The following MYRIP variants were observed in gnomAD, a reference collection of about 807,000 sequenced individuals.
The protein encoded by MYRIP is myosin VIIA and Rab interacting protein.
A neutral mutation model predicts 98.0 loss-of-function variants in MYRIP; 49 were observed. The ratio of observed to expected loss-of-function variants is 0.50; its 90% confidence interval spans 0.40 to 0.63. The LOEUF (loss-of-function observed/expected upper bound fraction) is 0.63. MYRIP is among the 30% of genes least tolerant of loss of function. MYRIP has a pLI of 0.00. For synonymous variants in MYRIP, 404 were observed against 409.5 expected, an observed-to-expected ratio of 0.99 and a Z score of 0.16; for missense variants, 1,004 against 1,058.2, an observed-to-expected ratio of 0.95 and a Z score of 0.71.
chr3:39,836,194 A>G (rs1941615652), intron 1 of MYRIP, among the ~76,000 whole-genome samples: 1 of 152,052 alleles, frequency 6.6e-6, no homozygotes, highest in Non-Finnish European at 1.5e-5. Context: ...GGTTGGACTA[A>G]TTTACACTCT....
intron 1 of MYRIP, among the ~76,000 whole-genome samples, chr3:39,852,080 G>A (rs1310295478): frequency 1.3e-5 from 2 of 152,080 alleles, no homozygotes; most frequent in Admixed American, 1.3e-4. Context: ...TATGAACCAA[G>A]CATTAGACAA....
chr3:40,096,143 C>T (rs781070838), intron 3 of MYRIP, among the ~76,000 whole-genome samples: 2 of 151,844 alleles, frequency 1.3e-5, no homozygotes, highest in Admixed American at 6.6e-5. Context: ...TTTCTCGGGC[C>T]ATTCTACCTC....
At chr3:40,066,638 T>A (rs2371182) in intron 3 of MYRIP, among the ~76,000 whole-genome samples, 25,133 of 152,172 alleles carry the variant, frequency 0.17, 1,998 homozygotes, top group East Asian at 0.2. Flanking sequence ...AATTTTTTTT[T>A]ATTAATGAAT....
intron 2 of MYRIP, among the ~76,000 whole-genome samples, chr3:40,025,282 A>G (rs943070046): frequency 6.6e-6 from 1 of 152,162 alleles, no homozygotes; most frequent in African/African-American, 2.4e-5. Flanking sequence ...TGTCATTAAC[A>G]TTTGGAGGGA....
chr3:40,155,471 T>C, intron 4 of MYRIP, among the ~76,000 whole-genome samples: 1 of 152,196 alleles, frequency 6.6e-6, no homozygotes. Flanking sequence ...TGTGTCTTTA[T>C]AGCAACATGA....
chr3:40,163,301 T>C (rs961785617), intron 5 of MYRIP, among the ~76,000 whole-genome samples: 5 of 152,226 alleles, frequency 3.3e-5, no homozygotes, highest in African/African-American at 1.2e-4. Context: ...GCCCCCTCAA[T>C]TGCCTTCCTC....
At chr3:40,199,659 C>T (rs577653509) in intron 10 of MYRIP, among the ~76,000 whole-genome samples, 4 of 152,222 alleles carry the variant, frequency 2.6e-5, no homozygotes, top group South Asian at 2.1e-4. Context: ...AATTATTTCC[C>T]GTACACAGAC....
At chr3:40,243,072 CA>C (rs1953076350) in intron 12 of MYRIP, among the ~76,000 whole-genome samples, 1 of 152,124 alleles carries the variant, frequency 6.6e-6, no homozygotes, top group Non-Finnish European at 1.5e-5. Flanking sequence ...ACATATTCAG[CA>C]TATAATAAAG....
intron 1 of MYRIP, among the ~76,000 whole-genome samples, chr3:39,887,213 A>G (rs896686197): frequency 1.2e-4 from 18 of 152,096 alleles, no homozygotes; most frequent in African/African-American, 4.3e-4. Context: ...AATTTGTAGC[A>G]CTAAATGCCC....
chr3:40,114,603 C>T (rs372366441), intron 3 of MYRIP, among the ~76,000 whole-genome samples: 1 of 152,028 alleles, frequency 6.6e-6, no homozygotes, highest in South Asian at 2.1e-4. Flanking sequence ...GGCAACAAGC[C>T]AAGAAAGAAA....
rs143080216 is a variant in MYRIP at position 40,075,573 on chromosome 3, A to G, written c.332+31302A>G. Among the ~76,000 whole-genome samples the G allele has an allele frequency of 6.4e-3, 975 of 152,296 alleles. 5 individuals are homozygous for G. Among genetic ancestry groups the G allele is most frequent in the Middle Eastern group, 0.02 (6 of 294 alleles). ...TCTTGAGTAAAATGTGTGCAGTAGT[A>G]CCCATCTCAGAGGGCTATTGTTAGA... On this transcript the variant is annotated intron_variant, in intron 3 of 16. Coordinates refer to ENST00000302541, the MANE Select transcript of MYRIP (RefSeq NM_015460.4).
At chr3:39,829,112 G>A (rs567223723) in intron 1 of MYRIP, among the ~76,000 whole-genome samples, 1 of 152,256 alleles carries the variant, frequency 6.6e-6, no homozygotes, top group Non-Finnish European at 1.5e-5. Context: ...GAAGTGTTCT[G>A]TGATCGCCAC....
intron 1 of MYRIP, among the ~76,000 whole-genome samples, chr3:39,845,095 G>A (rs1941922187): frequency 6.6e-6 from 1 of 152,170 alleles, no homozygotes. Flanking sequence ...AAGGCTCAAT[G>A]ATGATTATAA....
intron 2 of MYRIP, among the ~76,000 whole-genome samples, chr3:40,003,338 C>T (rs772063394): frequency 1.1e-4 from 16 of 152,096 alleles, no homozygotes; most frequent in Admixed American, 6.5e-4. Flanking sequence ...GAGATTGGAG[C>T]TCTAGAAAGA....
intron 12 of MYRIP, among the ~76,000 whole-genome samples, chr3:40,242,948 A>G (rs1302922551): frequency 6.6e-6 from 1 of 152,166 alleles, no homozygotes; most frequent in African/African-American, 2.4e-5. Context: ...TGAAATACTT[A>G]TCATTTCTTT....
At chr3:40,022,226 C>T (rs554265086) in intron 2 of MYRIP, among the ~76,000 whole-genome samples, 2 of 152,168 alleles carry the variant, frequency 1.3e-5, no homozygotes, top group Admixed American at 6.5e-5. Flanking sequence ...ACGAAGGTGG[C>T]CATTCCTGTC....
At chr3:40,162,265 G>GT (rs1950412037) in intron 4 of MYRIP, among the ~76,000 whole-genome samples, 1 of 152,068 alleles carries the variant, frequency 6.6e-6, no homozygotes, top group Admixed American at 6.6e-5. Context: ...TCAGGGTGGG[G>GT]TGGGGGCAGG....
rs1357464913 is a variant in MYRIP, at chr3:40,077,175, G to A, written c.332+32904G>A. ...GAGTGAAGCTGCAGACCTTCGCGGT[G>A]AGTGTTACAGCTCATAAAACAGCGT... On this transcript the variant is annotated intron_variant, in intron 3 of 16. Coordinates refer to ENST00000302541, the MANE Select transcript of MYRIP (RefSeq NM_015460.4). Among the ~76,000 whole-genome samples, 7 of 152,146 alleles carry A rather than the reference G, an allele frequency of 4.6e-5. No homozygotes were observed. The East Asian group carries it at 1.3e-3, about 29-fold the overall frequency.
At chr3:40,208,569 G>T (rs1951841921) in intron 10 of MYRIP, among the ~76,000 whole-genome samples, 1 of 152,166 alleles carries the variant, frequency 6.6e-6, no homozygotes. Flanking sequence ...TGGAGCAGGA[G>T]ATATAATTAT....
Sources: allele counts gnomAD v4.1 joint callset (sites outside exome capture counted in the v4.1 genomes callset), GRCh38; gene constraint gnomAD v4.1.1; transcripts MANE v1.5; gene names NCBI Gene and HGNC (gene_info 2026-07-23, HGNC 2026-07-21).